Variants in ADAMTS6 observed in about 807,000 individuals in gnomAD.
ADAMTS6 encodes the protein ADAM metallopeptidase with thrombospondin type 1 motif 6.
A neutral mutation model predicts 144.3 loss-of-function variants in ADAMTS6; 23 were observed. That is an observed-to-expected ratio of 0.16 (90% confidence interval 0.11 to 0.23). The LOEUF (loss-of-function observed/expected upper bound fraction) is 0.23, where lower values mean the gene tolerates loss of function less well. Ranked by LOEUF, ADAMTS6 falls within the 10% of genes least tolerant of loss-of-function variation. The probability of loss-of-function intolerance (pLI) is 1.00; values close to 1 mark genes in which losing one functional copy is unlikely to be tolerated. For missense variants in ADAMTS6, 999 were observed against 1,379.6 expected (o/e 0.72, Z 4.37); for synonymous variants, 444 against 457.5 (o/e 0.97, Z 0.38).
chr5:65,174,533 T>G (rs1350100520), intron 22 of ADAMTS6, among the ~76,000 whole-genome samples: 6 of 152,196 alleles, frequency 3.9e-5, no homozygotes, highest in Non-Finnish European at 7.4e-5. Context: ...GGGAAGGAAC[T>G]GGCACTTGGA....
At chr5:65,382,020 T>C (rs1455996422) in intron 7 of ADAMTS6, among the ~76,000 whole-genome samples, 4 of 152,190 alleles carry the variant, frequency 2.6e-5, no homozygotes, top group African/African-American at 4.8e-5. Flanking sequence ...GAAGAGTAGA[T>C]AGCTAGCAGC....
chr5:65,292,726 C>T lies in ADAMTS6; in HGVS notation c.1371-1256G>A, dbSNP rs529134231. Among the ~76,000 whole-genome samples, 3 of 152,050 alleles carry T rather than the reference C, an allele frequency of 2.0e-5. No individual in the cohort carries two copies. In the South Asian group the frequency reaches 6.2e-4, roughly 32 times the overall value. ...ATATCCTTCTCCTTTCTTTCATGCCCTCCTGATTTTTTAATCAATAAGAAA... is the reference window on the plus strand; with the variant it reads ...ATATCCTTCTCCTTTCTTTCATGCCTTCCTGATTTTTTAATCAATAAGAAA... On this transcript the variant is annotated intron_variant, in intron 10 of 24. Transcript: ENST00000381055.
In ADAMTS6 at chr5:65,364,311, C is replaced by T. The variant is rs189544508; in HGVS notation, c.1074-30226G>A. Among the ~76,000 whole-genome samples the T allele has an allele frequency of 4.0e-3, 608 of 152,284 alleles. 3 individuals are homozygous for T. The highest frequency in any genetic ancestry group is 6.8e-3 in the Non-Finnish European group (465 of 68,014). On this transcript the variant is annotated intron_variant, in intron 7 of 24. Transcript: ENST00000381055. ...AGATTCTCTCTGGGAAAATGACTTACTGATTATCAGAGTTAGCCAGAATAA... is the reference window on the plus strand; with the variant it reads ...AGATTCTCTCTGGGAAAATGACTTATTGATTATCAGAGTTAGCCAGAATAA...
At chr5:65,380,409 T>TA (rs1036400770) in intron 7 of ADAMTS6, among the ~76,000 whole-genome samples, 70 of 150,196 alleles carry the variant, frequency 4.7e-4, no homozygotes, top group Admixed American at 1.0e-3. Flanking sequence ...CCATCTCTAC[T>TA]AAAAAAAAAT....
At chr5:65,261,901 A>G (rs1761227623) in intron 13 of ADAMTS6, among the ~76,000 whole-genome samples, 1 of 152,086 alleles carries the variant, frequency 6.6e-6, no homozygotes, top group Non-Finnish European at 1.5e-5. Context: ...TTAAAAATGG[A>G]GAAAAACTAA....
Position 65,230,302 on chromosome 5 carries a change from A to ATATATATGAAATATATATAATACAT in ADAMTS6, c.1934-4084_1934-4083insATGTATTATATATATTTCATATATA, listed in dbSNP as rs1191654953. Reference sequence around the variant, plus strand: ...ATACCTAAAGCATATATATATATATATATATATATGAAATATATATAATAC... The same window carrying ATATATATGAAATATATATAATACAT: ...ATACCTAAAGCATATATATATATATATATATATGAAATATATATAATACATTATATATATGAAATATATATAATAC... On this transcript the variant is annotated intron_variant, in intron 15 of 24. Coordinates refer to ENST00000381055, the MANE Select transcript of ADAMTS6 (RefSeq NM_197941.4). Among the ~76,000 whole-genome samples, 191 of 80,108 alleles carry ATATATATGAAATATATATAATACAT rather than the reference A, an allele frequency of 2.4e-3. 30 individuals are homozygous for ATATATATGAAATATATATAATACAT. Among genetic ancestry groups the ATATATATGAAATATATATAATACAT allele is most frequent in the Admixed American group, 5.7e-3 (42 of 7,406 alleles). The allele number at this position is 80,108 out of a possible 152,430, so 52.6% of individuals were successfully genotyped here. A position where few individuals can be genotyped will look rare whatever the true frequency, so the allele number is the denominator to read the frequency against.
intron 22 of ADAMTS6, among the ~76,000 whole-genome samples, chr5:65,180,768 C>T (rs1443419792): frequency 2.0e-5 from 3 of 152,100 alleles, no homozygotes; most frequent in Non-Finnish European, 1.5e-5. Flanking sequence ...TCTATATATG[C>T]TTAGTACCCC....
intron 7 of ADAMTS6, among the ~76,000 whole-genome samples, chr5:65,341,134 T>A (rs577386726): frequency 4.7e-4 from 72 of 151,954 alleles, no homozygotes; most frequent in African/African-American, 1.6e-3. Flanking sequence ...AAATTAAGAA[T>A]AAAATTTTAA....
intron 10 of ADAMTS6, among the ~76,000 whole-genome samples, chr5:65,298,179 C>G (rs1354716855): frequency 6.6e-6 from 1 of 152,044 alleles, no homozygotes; most frequent in Non-Finnish European, 1.5e-5. Flanking sequence ...TAGACAAGAT[C>G]TGGTAGAAGA....
intron 9 of ADAMTS6, among the ~76,000 whole-genome samples, chr5:65,311,372 A>G (rs1362609375): frequency 1.3e-5 from 2 of 152,194 alleles, no homozygotes; most frequent in Admixed American, 6.6e-5. Context: ...AAATTGTGCC[A>G]TAAAGGTTAT....
chr5:65,355,230 A>T (rs1219455029), intron 7 of ADAMTS6, among the ~76,000 whole-genome samples: 4 of 151,848 alleles, frequency 2.6e-5, no homozygotes, highest in Non-Finnish European at 5.9e-5. Context: ...AGATGTGATG[A>T]TAATGGTATG....
intron 7 of ADAMTS6, among the ~76,000 whole-genome samples, chr5:65,374,058 AC>A (rs1336680934): frequency 1.4e-4 from 22 of 152,142 alleles, no homozygotes; most frequent in South Asian, 4.1e-4. Context: ...AAATTCAACA[AC>A]CCTTCATGCT....
intron 24 of ADAMTS6, among the ~76,000 whole-genome samples, chr5:65,153,986 T>A (rs1752269231): frequency 6.6e-6 from 1 of 152,096 alleles, no homozygotes; most frequent in African/African-American, 2.4e-5. Flanking sequence ...GGTGGGTGGA[T>A]CACCTGAGGT....
intron 7 of ADAMTS6, among the ~76,000 whole-genome samples, chr5:65,392,836 G>T (rs980285116): frequency 6.6e-6 from 1 of 152,100 alleles, no homozygotes; most frequent in Non-Finnish European, 1.5e-5. Context: ...TAATTATCCA[G>T]CAATCTTACA....
intron 14 of ADAMTS6, among the ~76,000 whole-genome samples, chr5:65,245,648 T>A (rs1031728182): frequency 6.6e-6 from 1 of 152,156 alleles, no homozygotes; most frequent in Non-Finnish European, 1.5e-5. Flanking sequence ...CTTGGAAAAC[T>A]GAATAAAGAT....
chr5:65,466,028 C>T (rs1471575851), intron 3 of ADAMTS6, among the ~76,000 whole-genome samples: 7 of 152,190 alleles, frequency 4.6e-5, no homozygotes, highest in Admixed American at 1.3e-4. Context: ...TCCTATACAA[C>T]ATCTCACGTT....
At chr5:65,232,882 A>T (rs542614804) in intron 15 of ADAMTS6, among the ~76,000 whole-genome samples, 2 of 152,310 alleles carry the variant, frequency 1.3e-5, no homozygotes, top group East Asian at 1.9e-4. Context: ...AAGCCAGACA[A>T]AGATACTAAC....
chr5:65,266,950 A>C (rs1359529578), intron 12 of ADAMTS6, among the ~76,000 whole-genome samples: 10 of 152,078 alleles, frequency 6.6e-5, no homozygotes, highest in African/African-American at 2.4e-4. Context: ...CTTCATGTGG[A>C]TCAAGTGATT....
intron 9 of ADAMTS6, among the ~76,000 whole-genome samples, chr5:65,322,014 C>T (rs910250909): frequency 6.6e-6 from 1 of 151,968 alleles, no homozygotes; most frequent in African/African-American, 2.4e-5. Flanking sequence ...CCGTGACTAG[C>T]CTTCAATCCA....
Sources: gnomAD v4.1 joint callset for allele counts (sites outside exome capture counted in the v4.1 genomes callset) on GRCh38, gnomAD v4.1.1 for gene constraint, MANE v1.5 for transcripts, NCBI Gene and HGNC (gene_info 2026-07-23, HGNC 2026-07-21) for gene names.